Variants in ATF7IP2 observed in about 807,000 individuals in gnomAD.
ATF7IP2 encodes the protein activating transcription factor 7-interacting protein 2.
Under a neutral mutation model 64.2 loss-of-function variants are expected in ATF7IP2, and 42 were observed. That is an observed-to-expected ratio of 0.65 (90% CI 0.51 to 0.85). ATF7IP2 has a LOEUF of 0.85. Ranked by LOEUF, ATF7IP2 falls within the 40% of genes least tolerant of loss-of-function variation. The pLI, the probability that ATF7IP2 is intolerant of heterozygous loss-of-function variation, is 0.00. For synonymous variants in ATF7IP2, 308 were observed against 272.8 expected (o/e 1.13, Z -1.27); for missense variants, 933 against 784.2 (o/e 1.19, Z -2.27).
At chr16:10,410,235 T>A (rs920606937) in intron 1 of ATF7IP2, among the ~76,000 whole-genome samples, 7 of 152,378 alleles carry the variant, frequency 4.6e-5, no homozygotes, top group Middle Eastern at 6.8e-3. Flanking sequence ...GTTTGTATCA[T>A]CTGTGATTTC....
intron 3 of ATF7IP2, among the ~76,000 whole-genome samples, chr16:10,422,203 A>T (rs1016444663): frequency 2.0e-5 from 3 of 152,198 alleles, no homozygotes; most frequent in Non-Finnish European, 4.4e-5. Context: ...CCATTGTTCT[A>T]TCCAAATTGG....
At chr16:10,472,412 C>T (rs911683610) in intron 10 of ATF7IP2, among the ~76,000 whole-genome samples, 6 of 151,884 alleles carry the variant, frequency 4.0e-5, no homozygotes, top group Admixed American at 6.6e-5. Context: ...CCTTTTGTTT[C>T]TTTTATGTGT....
intron 9 of ATF7IP2, among the ~76,000 whole-genome samples, chr16:10,463,784 T>A (rs987947119): frequency 2.6e-5 from 4 of 152,210 alleles, no homozygotes; most frequent in African/African-American, 9.6e-5. Flanking sequence ...AGAGATACAA[T>A]ACAATATTTC....
At chr16:10,415,775 C>G (rs1386635838) in intron 2 of ATF7IP2, among the ~76,000 whole-genome samples, 5 of 152,138 alleles carry the variant, frequency 3.3e-5, no homozygotes, top group Non-Finnish European at 7.4e-5. Context: ...ATCTAATAAT[C>G]CAATTATACA....
At chr16:10,438,772 C>T (rs528584859) in intron 7 of ATF7IP2, among the ~76,000 whole-genome samples, 30 of 152,180 alleles carry the variant, frequency 2.0e-4, no homozygotes, top group African/African-American at 6.3e-4. Flanking sequence ...TAGGCAGCTT[C>T]GGCCAGGCGC....
chr16:10,438,935 C>T (rs1224454411), intron 7 of ATF7IP2, among the ~76,000 whole-genome samples: 1 of 151,328 alleles, frequency 6.6e-6, no homozygotes, highest in East Asian at 2.0e-4. Context: ...TGCCTGTAGT[C>T]CCAGCTACTC....
chr16:10,401,448 G>A (rs1438409374), intron 1 of ATF7IP2, among the ~76,000 whole-genome samples: 1 of 152,164 alleles, frequency 6.6e-6, no homozygotes, highest in Admixed American at 6.5e-5. Context: ...GATTACAGGC[G>A]TGAGCCACTG....
rs116168214 is a variant in ATF7IP2, at chr16:10,425,739, C to T, written c.-159-3129C>T. Among the ~76,000 whole-genome samples, 727 of 151,916 alleles carry T rather than the reference C, an allele frequency of 4.8e-3. 8 individuals are homozygous for T. Among genetic ancestry groups the T allele is most frequent in the African/African-American group, 0.017 (688 of 41,448 alleles). On this transcript the variant is annotated intron_variant, in intron 3 of 13. Transcript: ENST00000562102. ...AGGAACCCCATCTCTATTAAAAATA[C>T]AAAATTAGCCAGGCCTGGTGCCACA...
intron 1 of ATF7IP2, among the ~76,000 whole-genome samples, chr16:10,406,645 A>G (rs1433357834): frequency 6.6e-6 from 1 of 152,206 alleles, no homozygotes; most frequent in Non-Finnish European, 1.5e-5. Flanking sequence ...TTGTAGGCCA[A>G]TAAATTGGAA....
At chr16:10,421,874 C>T (rs1012207657) in intron 3 of ATF7IP2, among the ~76,000 whole-genome samples, 15 of 152,178 alleles carry the variant, frequency 9.9e-5, no homozygotes, top group African/African-American at 2.7e-4. Context: ...TTGTTTACCG[C>T]AGGAATTGTA....
chr16:10,394,048 A>G (rs1263438351), intron 1 of ATF7IP2, among the ~76,000 whole-genome samples: 1 of 152,158 alleles, frequency 6.6e-6, no homozygotes, highest in Non-Finnish European at 1.5e-5. Context: ...AAAAACAACC[A>G]AGTAATGTCA....
At chr16:10,434,554 A>T (rs1298823874) in intron 6 of ATF7IP2, among the ~76,000 whole-genome samples, 1 of 151,922 alleles carries the variant, frequency 6.6e-6, no homozygotes, top group East Asian at 1.9e-4. Flanking sequence ...AAAGGGAAAG[A>T]GTTACGCAGA....
At chr16:10,457,172 T>C (rs1388199619) in intron 8 of ATF7IP2, 200 bp from the exon 9 acceptor site, 10 of 496,972 alleles carry the variant, frequency 2.0e-5, no homozygotes, top group South Asian at 2.9e-5. Flanking sequence ...ATGTATACCA[T>C]CATTTTTATT....
intron 1 of ATF7IP2, among the ~76,000 whole-genome samples, chr16:10,389,814 G>T (rs904499345): frequency 1.3e-5 from 2 of 152,144 alleles, no homozygotes; most frequent in South Asian, 4.2e-4. Flanking sequence ...CAGGTGATGC[G>T]GATGCTGCTG....
chr16:10,476,689 T>G (rs973925936), intron 12 of ATF7IP2, among the ~76,000 whole-genome samples: 3 of 152,068 alleles, frequency 2.0e-5, no homozygotes, highest in Non-Finnish European at 2.9e-5. Context: ...CTAGTGTGTG[T>G]TGTTCCCCTC....
At chr16:10,426,891 T>C (rs2048096866) in intron 3 of ATF7IP2, among the ~76,000 whole-genome samples, 1 of 152,130 alleles carries the variant, frequency 6.6e-6, no homozygotes, top group East Asian at 1.9e-4. Flanking sequence ...CCCACTCTGT[T>C]GTCCAGGCTG....
intron 2 of ATF7IP2, among the ~76,000 whole-genome samples, chr16:10,418,313 G>A (rs999923666): frequency 2.6e-5 from 4 of 152,192 alleles, no homozygotes; most frequent in Non-Finnish European, 4.4e-5. Flanking sequence ...AACCTTCAGC[G>A]TGGGCATCAT....
At position 10,473,481 on chromosome 16, in the gene ATF7IP2, A is replaced by T. The variant is rs759984258; in HGVS notation, c.1429A>T (p.Thr477Ser). Residue 477 changes from threonine (T) to serine (S), a missense_variant and splice_region_variant, in exon 11 of 14, where the codon ACC becomes TCC. By Grantham distance (58) the Thr-to-Ser change is moderately conservative. Transcript: ENST00000562102. The part of the protein sequence containing the change: ...TTPITSNPTD[T>S]RKITSGNSSN... The stretch of plus-strand genomic sequence containing the variant: ...GTCAAATGTCTAATTTCTTTCAGAT[A>T]CCAGAAAAATTACATCAGGAAATTC... 9 of 1,556,040 alleles carry T rather than the reference A, an allele frequency of 5.8e-6. No individual in the cohort carries two copies. In the African/African-American group the frequency reaches 1.2e-4, roughly 21 times the overall value.
chr16:10,443,772 C>G (rs996880647), intron 8 of ATF7IP2, among the ~76,000 whole-genome samples: 1 of 152,006 alleles, frequency 6.6e-6, no homozygotes, highest in Non-Finnish European at 1.5e-5. Flanking sequence ...AACATTGGCT[C>G]CTAAACCATA....
Sources: allele counts gnomAD v4.1 joint callset (sites outside exome capture counted in the v4.1 genomes callset), GRCh38; gene constraint gnomAD v4.1.1; transcripts MANE v1.5; gene names NCBI Gene and HGNC (gene_info 2026-07-23, HGNC 2026-07-21).